SPAG17: variants seen among roughly 807,000 people sequenced by gnomAD.
SPAG17 encodes the protein sperm associated antigen 17, also known as sperm-associated antigen 17.
In SPAG17, 169 loss-of-function variants were observed where a neutral mutation model predicts 273.6. The ratio of observed to expected loss-of-function variants is 0.62; its 90% CI spans 0.55 to 0.70. The LOEUF is 0.70. SPAG17 is among the 30% of genes least tolerant of loss of function. SPAG17 has a pLI of 0.00. For missense variants in SPAG17, 2,557 were observed against 2,627.8 expected (o/e 0.97, Z 0.59); for synonymous variants, 825 against 873.2 (o/e 0.94, Z 0.97).
At position 117,953,680 on chromosome 1, in the gene SPAG17, T is replaced by C; in HGVS notation, c.*370A>G. ...TTTAAAGATGGGGATTATAACCTGT[T>C]TCCTTCTCTTGTAACCAAAGATGGG... On this transcript the variant is annotated 3_prime_UTR_variant, in exon 49 of 49. Transcript: ENST00000336338. 2 of 774,888 alleles carry C rather than the reference T, an allele frequency of 2.6e-6. No individual in the cohort carries two copies. The highest frequency in any genetic ancestry group is 4.1e-6 in the Non-Finnish European group (2 of 488,650). The allele number at this position is 774,888 out of a possible 1,614,324, so 48.0% of individuals were successfully genotyped here.
chr1:118,113,900 T>C (rs1656915949), intron 4 of SPAG17, among the ~76,000 whole-genome samples: 1 of 152,154 alleles, frequency 6.6e-6, no homozygotes, highest in South Asian at 2.1e-4. Context: ...TTGCTTTTAC[T>C]TAAAATTTGT....
chr1:118,092,130 T>C, intron 8 of SPAG17, 128 bp from the exon 9 acceptor site: 1 of 760,720 alleles, frequency 1.3e-6, no homozygotes, highest in Middle Eastern at 2.5e-4. Context: ...CACAAAATCA[T>C]CTGCTAATAT....
chr1:118,168,647 G>C (rs1179576944), intron 1 of SPAG17, among the ~76,000 whole-genome samples: 1 of 152,186 alleles, frequency 6.6e-6, no homozygotes, highest in Non-Finnish European at 1.5e-5. Flanking sequence ...AGCAGTGCTG[G>C]AACATATATT....
intron 1 of SPAG17, among the ~76,000 whole-genome samples, chr1:118,158,169 A>G (rs1341052469): frequency 6.6e-6 from 1 of 152,250 alleles, no homozygotes; most frequent in Non-Finnish European, 1.5e-5. Context: ...AAAGGAATGT[A>G]TAATAATTTT....
chr1:118,079,577 T>C (rs530790809), intron 15 of SPAG17, among the ~76,000 whole-genome samples: 1 of 152,182 alleles, frequency 6.6e-6, no homozygotes, highest in African/African-American at 2.4e-5. Flanking sequence ...TTCTATTTCA[T>C]TGACGTAATT....
chr1:118,148,923 G>A (rs1278052527), intron 3 of SPAG17, among the ~76,000 whole-genome samples: 1 of 152,188 alleles, frequency 6.6e-6, no homozygotes, highest in Admixed American at 6.5e-5. Context: ...GACTGAGATG[G>A]GAAATATTCC....
At chr1:118,145,887 T>G (rs918175452) in intron 3 of SPAG17, among the ~76,000 whole-genome samples, 1 of 152,212 alleles carries the variant, frequency 6.6e-6, no homozygotes, top group African/African-American at 2.4e-5. Context: ...TTTGTTTCAG[T>G]AAGCTTTTCA....
chr1:118,153,819 T>G (rs1659514829), intron 1 of SPAG17, among the ~76,000 whole-genome samples: 1 of 151,754 alleles, frequency 6.6e-6, no homozygotes. Flanking sequence ...CACTCCAGCC[T>G]GGGTGACAAA....
At chr1:118,001,652 G>C (rs1658296688) in intron 32 of SPAG17, among the ~76,000 whole-genome samples, 1 of 152,068 alleles carries the variant, frequency 6.6e-6, no homozygotes, top group African/African-American at 2.4e-5. Context: ...TATTTCTGTG[G>C]TATCCGTGGT....
chr1:118,132,150 G>A (rs1658088058), intron 3 of SPAG17, among the ~76,000 whole-genome samples: 1 of 152,194 alleles, frequency 6.6e-6, no homozygotes, highest in Admixed American at 6.5e-5. Context: ...TCCACACTGG[G>A]AGAGTCAGCA....
intron 15 of SPAG17, chr1:118,076,489 T>C (rs550376772): frequency 2.2e-4 from 33 of 152,268 alleles, no homozygotes; most frequent in African/African-American, 7.9e-4. Flanking sequence ...TAACTCTAAA[T>C]AGACCATGAT....
intron 40 of SPAG17, among the ~76,000 whole-genome samples, chr1:117,985,150 A>G (rs1357371373): frequency 6.6e-6 from 1 of 152,224 alleles, no homozygotes; most frequent in Non-Finnish European, 1.5e-5. Context: ...ACTGGTTTTC[A>G]TAATTTCTGT....
rs369057532 is a variant in SPAG17, at chr1:118,081,272, T to C, written c.2038A>G (p.Met680Val). Residue 680 changes from methionine (M) to valine (V), a missense_variant, in exon 15 of 49, where the codon ATG becomes GTG. Physicochemically the swap from Met to Val is conservative, Grantham distance 21. Coordinates refer to ENST00000336338, the MANE Select transcript of SPAG17 (RefSeq NM_206996.4). ...TTGCTTTCATTATCTTGCACAGACA[T>C]TGACAAATTCTGATCCACAAATAGT... Reference protein sequence around the residue: ...RTLFVDQNLSMSVQDNESNRE... With the variant: ...RTLFVDQNLSVSVQDNESNRE... 2 of 1,613,976 alleles carry C rather than the reference T, an allele frequency of 1.2e-6. No homozygotes were observed. Among genetic ancestry groups the C allele is most frequent in the African/African-American group, 2.7e-5 (2 of 74,914 alleles).
chr1:117,973,331 T>C (rs912889494), intron 44 of SPAG17, 94 bp downstream of exon 44: 2 of 1,478,042 alleles, frequency 1.4e-6, no homozygotes, highest in Admixed American at 4.0e-5. Context: ...TTACATAAAA[T>C]CTACAAAAGG....
At chr1:118,013,780 T>C (rs1426549581) in intron 29 of SPAG17, among the ~76,000 whole-genome samples, 3 of 152,146 alleles carry the variant, frequency 2.0e-5, no homozygotes, top group Non-Finnish European at 4.4e-5. Context: ...CACCATAGAA[T>C]AGGATAATCA....
At position 117,989,967 on chromosome 1, in the gene SPAG17, T is replaced by C. The variant is rs562892838; in HGVS notation, c.5521+894A>G. Among the ~76,000 whole-genome samples the C allele has an allele frequency of 5.5e-4, 84 of 152,278 alleles. 2 individuals carry two copies. The South Asian group carries it at 0.016, about 29-fold the overall frequency. On this transcript the variant is annotated intron_variant, in intron 38 of 48. Transcript: ENST00000336338. Reference sequence around the variant, plus strand: ...ACTAAAAAAAATTATTTGTCATTCATCTAAAATTTAACTAGGCCTTCTTTA... The same window carrying C: ...ACTAAAAAAAATTATTTGTCATTCACCTAAAATTTAACTAGGCCTTCTTTA...
intron 28 of SPAG17, 85 bp downstream of exon 28, chr1:118,023,219 T>C: frequency 1.1e-6 from 1 of 940,154 alleles, no homozygotes; most frequent in Non-Finnish European, 1.5e-6. Context: ...GTTGCAAGTA[T>C]TATAATAATA....
chr1:118,030,323 G>A (rs1434608525), intron 25 of SPAG17, among the ~76,000 whole-genome samples: 2 of 151,590 alleles, frequency 1.3e-5, no homozygotes, highest in Non-Finnish European at 2.9e-5. Flanking sequence ...TTGATTATTT[G>A]TACACTGTAC....
At chr1:118,150,864 G>C (rs1659336664) in intron 2 of SPAG17, among the ~76,000 whole-genome samples, 1 of 152,164 alleles carries the variant, frequency 6.6e-6, no homozygotes, top group Non-Finnish European at 1.5e-5. Context: ...ACCTCTGACA[G>C]CTATGATTCT....
Sources: allele counts gnomAD v4.1 joint callset (sites outside exome capture counted in the v4.1 genomes callset), GRCh38; gene constraint gnomAD v4.1.1; transcripts MANE v1.5; gene names NCBI Gene and HGNC (gene_info 2026-07-23, HGNC 2026-07-21).